HAUS2: variants seen among roughly 807,000 people sequenced by gnomAD.
The protein encoded by HAUS2 is HAUS augmin-like complex subunit 2.
In HAUS2, 20 loss-of-function variants were observed where a neutral mutation model predicts 21.6. That is an observed-to-expected ratio of 0.93 (90% CI 0.65 to 1.35). The LOEUF is 1.35. Among genes scored for constraint, HAUS2 ranks in the 40% most tolerant of loss-of-function variants. HAUS2 has a pLI of 0.00. For missense variants in HAUS2, 297 were observed against 280.7 expected (o/e 1.06, Z -0.42); for synonymous variants, 113 against 95.6 (o/e 1.18, Z -1.06).
chr15:42,565,212 G>T (rs557571605), intron 5 of HAUS2, among the ~76,000 whole-genome samples: 11 of 152,166 alleles, frequency 7.2e-5, no homozygotes, highest in Non-Finnish European at 1.2e-4. Flanking sequence ...AAGGAGCAAT[G>T]TGAGGAAAGA....
At chr15:42,552,962 A>T (rs1164654611) in intron 1 of HAUS2, among the ~76,000 whole-genome samples, 1 of 151,440 alleles carries the variant, frequency 6.6e-6, no homozygotes, top group Non-Finnish European at 1.5e-5. Flanking sequence ...ATACATACAT[A>T]TATGGTATAT....
chr15:42,564,035 A>G (rs929474654), intron 5 of HAUS2, among the ~76,000 whole-genome samples, 178 bp downstream of exon 5: 3 of 152,084 alleles, frequency 2.0e-5, no homozygotes, highest in African/African-American at 4.8e-5. Flanking sequence ...GGAGGCCACA[A>G]CGGGTGGATC....
At chr15:42,549,765 C>CAAA (rs58614126) in intron 1 of HAUS2, among the ~76,000 whole-genome samples, 32 of 58,100 alleles carry the variant, frequency 5.5e-4, no homozygotes, top group South Asian at 8.2e-4. Context: ...TCTTTAAAGG[C>CAAA]AAAAAAAAAA....
chr15:42,557,409 C>T (rs1413367596), intron 1 of HAUS2, among the ~76,000 whole-genome samples: 4 of 4,302 alleles, frequency 9.3e-4, no homozygotes, highest in African/African-American at 1.6e-3. Context: ...TTTATATATA[C>T]ATTATATAAT....
In HAUS2 at chr15:42,568,903, C is replaced by A. The variant is rs958294194; in HGVS notation, c.*2087C>A. The A allele has an allele frequency of 2.6e-5, 4 of 152,162 alleles. No homozygotes were observed. Among genetic ancestry groups the A allele is most frequent in the African/African-American group, 9.7e-5 (4 of 41,420 alleles). 9.4% of individuals were successfully genotyped at this position (152,162 alleles called of 1,614,324 possible). A position where few individuals can be genotyped will look rare whatever the true frequency, so the allele number is the denominator to read the frequency against. Reference sequence around the variant, plus strand: ...TGCTGTTTTGCTTCATATGCTTTTGCTGTAATAAATCATAGCTGTGTGATG... The same window carrying A: ...TGCTGTTTTGCTTCATATGCTTTTGATGTAATAAATCATAGCTGTGTGATG... On this transcript the variant is annotated 3_prime_UTR_variant, in exon 6 of 6. Coordinates refer to ENST00000260372, the MANE Select transcript of HAUS2 (RefSeq NM_018097.3).
At position 42,563,764 on chromosome 15, in the gene HAUS2, G is replaced by C. The variant is rs1320004467; in HGVS notation, c.405G>C (p.Leu135Phe). ...TCTCTTTCAGATATATGGTACATTT[G>C]CTGGAGTTGGCTGTGACTTTCATTG... The part of the protein sequence containing the change: ...EAVYHRYMVH[L>F]LELAVTFIER... Residue 135 changes from leucine to phenylalanine, a missense_variant, in exon 5 of 6, where the codon TTG becomes TTC. Physicochemically the swap from Leu to Phe is conservative, Grantham distance 22. Coordinates refer to ENST00000260372, the MANE Select transcript of HAUS2 (RefSeq NM_018097.3). The C allele has an allele frequency of 1.3e-6, 2 of 1,541,942 alleles. No individual in the cohort carries two copies. The highest frequency in any genetic ancestry group is 4.5e-5 in the East Asian group (2 of 44,420).
At chr15:42,558,670 A>G (rs1299524257) in intron 2 of HAUS2, among the ~76,000 whole-genome samples, 4 of 151,912 alleles carry the variant, frequency 2.6e-5, no homozygotes, top group Non-Finnish European at 4.4e-5. Flanking sequence ...AACAAAAACA[A>G]AAGTTGGCCA....
At chr15:42,554,037 C>T (rs571887966) in intron 1 of HAUS2, among the ~76,000 whole-genome samples, 7 of 152,326 alleles carry the variant, frequency 4.6e-5, no homozygotes, top group African/African-American at 1.4e-4. Context: ...TGTCCACTCA[C>T]CTGAAGCAAA....
chr15:42,562,814 T>C (rs545993763), intron 4 of HAUS2, among the ~76,000 whole-genome samples: 25 of 152,158 alleles, frequency 1.6e-4, no homozygotes, highest in Non-Finnish European at 7.4e-5. Context: ...ATGAGTAAGT[T>C]GAAATGGAAT....
At chr15:42,564,953 A>G (rs949163137) in intron 5 of HAUS2, among the ~76,000 whole-genome samples, 1 of 152,202 alleles carries the variant, frequency 6.6e-6, no homozygotes, top group African/African-American at 2.4e-5. Context: ...CTCCTGCCTC[A>G]GCCTCCCAAG....
At chr15:42,558,432 G>A (rs1049896229) in intron 2 of HAUS2, 142 bp downstream of exon 2, 8 of 524,096 alleles carry the variant, frequency 1.5e-5, no homozygotes, top group Admixed American at 7.7e-5. Context: ...GGTTCACGCC[G>A]TTCTTCTGCC....
At chr15:42,562,693 T>C (rs2057864005) in intron 4 of HAUS2, among the ~76,000 whole-genome samples, 1 of 152,260 alleles carries the variant, frequency 6.6e-6, no homozygotes. Flanking sequence ...ATCTAAGAAC[T>C]AGGCAATGAT....
At chr15:42,549,765 C>CA (rs58614126) in intron 1 of HAUS2, among the ~76,000 whole-genome samples, 20,238 of 57,354 alleles carry the variant, frequency 0.35, 3,226 homozygotes, top group Non-Finnish European at 0.46. Flanking sequence ...TCTTTAAAGG[C>CA]AAAAAAAAAA....
At position 42,559,470 on chromosome 15, in the gene HAUS2, A is replaced by G. The variant is rs1227710219; in HGVS notation, c.256+62A>G. 37 of 921,380 alleles carry G rather than the reference A, an allele frequency of 4.0e-5. No individual in the cohort carries two copies. The highest frequency in any genetic ancestry group is 6.7e-5 in the Non-Finnish European group (37 of 550,494). 57.1% of individuals were successfully genotyped at this position (921,380 alleles called of 1,614,324 possible). A position where few individuals can be genotyped will look rare whatever the true frequency, so the allele number is the denominator to read the frequency against. On this transcript the variant is annotated intron_variant, in intron 3 of 5. Coordinates refer to ENST00000260372, the MANE Select transcript of HAUS2 (RefSeq NM_018097.3). Reference sequence around the variant, plus strand: ...TCAACTTTTTCTTGGATTACTGTAAATAAGCACCAGTCAGTCAAATTATGA... The same window carrying G: ...TCAACTTTTTCTTGGATTACTGTAAGTAAGCACCAGTCAGTCAAATTATGA...
intron 3 of HAUS2, chr15:42,560,641 G>C (rs1201488613): frequency 2.3e-6 from 1 of 440,352 alleles, no homozygotes; most frequent in African/African-American, 2.1e-5. Flanking sequence ...TTTTTTAAGA[G>C]TGTGTCACTC....
At chr15:42,557,514 T>G (rs1336262344) in intron 1 of HAUS2, among the ~76,000 whole-genome samples, 1 of 128,926 alleles carries the variant, frequency 7.8e-6, no homozygotes, top group Admixed American at 7.6e-5. Context: ...ATGTATATAT[T>G]ATATATATAT....
intron 3 of HAUS2, 69 bp from the exon 4 acceptor site, chr15:42,561,201 G>A: frequency 1.0e-6 from 1 of 999,174 alleles, no homozygotes; most frequent in South Asian, 1.4e-5. Context: ...GTCAAACCAA[G>A]GCAAAGAAGA....
chr15:42,562,260 T>C (rs1337318016), intron 4 of HAUS2, among the ~76,000 whole-genome samples: 1 of 152,228 alleles, frequency 6.6e-6, no homozygotes, highest in Non-Finnish European at 1.5e-5. Context: ...ATTTTTTATT[T>C]TGTAGGAAAA....
rs764748271 is a variant in HAUS2 at position 42,558,226 on chromosome 15, T to C, written c.122T>C (p.Val41Ala). The change falls in exon 2 of 6, where the codon GTT becomes GCT. Residue 41 changes from valine (V) to alanine (A), a missense_variant. Val to Ala is a moderately conservative substitution (Grantham distance 64). Transcript: ENST00000260372. ...QEMLNMSKKT[V>A]SCFVNFTRLQ... Reference sequence around the variant, plus strand: ...ATGTTAAACATGTCTAAGAAAACAGTTTCTTGTTTTGTGAACTTCACCAGA... The same window carrying C: ...ATGTTAAACATGTCTAAGAAAACAGCTTCTTGTTTTGTGAACTTCACCAGA... 2 of 1,492,314 alleles carry C rather than the reference T, an allele frequency of 1.3e-6. No individual in the cohort carries two copies. The highest frequency in any genetic ancestry group is 1.9e-6 in the Non-Finnish European group (2 of 1,072,640). 92.4% of individuals were successfully genotyped at this position (1,492,314 alleles called of 1,614,324 possible).
Sources: gnomAD v4.1 joint callset for allele counts (sites outside exome capture counted in the v4.1 genomes callset) on GRCh38, gnomAD v4.1.1 for gene constraint, MANE v1.5 for transcripts, NCBI Gene and HGNC (gene_info 2026-07-23, HGNC 2026-07-21) for gene names.